The following CAPZA2 variants were observed in gnomAD, a reference collection of about 807,000 sequenced individuals.
CAPZA2 encodes the protein F-actin-capping protein subunit alpha-2.
Under a neutral mutation model 44.0 loss-of-function variants are expected in CAPZA2, and 13 were observed. The ratio of observed to expected loss-of-function variants is 0.30; its 90% CI spans 0.19 to 0.47. The LOEUF (loss-of-function observed/expected upper bound fraction) is 0.47. Among genes scored for constraint, CAPZA2 ranks in the 20% least tolerant of loss-of-function variants. The pLI is 1.00. For missense variants in CAPZA2, 244 were observed against 338.6 expected, an observed-to-expected ratio of 0.72 and a Z score of 2.19; for synonymous variants, 94 against 108.2, an observed-to-expected ratio of 0.87 and a Z score of 0.81.
At chr7:116,895,141 C>T (rs1342687079) in intron 3 of CAPZA2, among the ~76,000 whole-genome samples, 1 of 151,968 alleles carries the variant, frequency 6.6e-6, no homozygotes, top group Non-Finnish European at 1.5e-5. Flanking sequence ...CGTTTTTGAA[C>T]AATACTTTCA....
intron 6 of CAPZA2, 83 bp downstream of exon 6, chr7:116,906,425 CTTGT>C (rs1292478969): frequency 2.0e-6 from 3 of 1,526,308 alleles, no homozygotes; most frequent in East Asian, 4.6e-5. Flanking sequence ...TGGGCTACAC[CTTGT>C]TTGTTTATGA....
rs1562959955 is a variant in CAPZA2, at chr7:116,890,553, TATATATATATATATAC to T, written c.103+2365_103+2380del. Among the ~76,000 whole-genome samples the T allele has an allele frequency of 2.7e-3, 32 of 11,918 alleles. 4 individuals carry two copies. The highest frequency in any genetic ancestry group is 9.8e-3 in the Admixed American group (7 of 716). The allele number at this position is 11,918 out of a possible 152,430, so 7.8% of individuals were successfully genotyped here. A position where few individuals can be genotyped will look rare whatever the true frequency, so the allele number is the denominator to read the frequency against. On this transcript the variant is annotated intron_variant, in intron 2 of 9. Coordinates refer to ENST00000361183, the MANE Select transcript of CAPZA2 (RefSeq NM_006136.3). ...ATATATATATATATATATATATATA[TATATATATATATATAC>T]ACATATATATATATATATATATATA...
intron 1 of CAPZA2, among the ~76,000 whole-genome samples, chr7:116,870,815 A>G (rs1010489365): frequency 6.6e-6 from 1 of 152,218 alleles, no homozygotes; most frequent in Admixed American, 6.5e-5. Flanking sequence ...TGATAAATGA[A>G]TATAGGGGAA....
At chr7:116,876,523 C>T (rs1255894430) in intron 1 of CAPZA2, 2 of 152,186 alleles carry the variant, frequency 1.3e-5, no homozygotes, top group Admixed American at 1.3e-4. Flanking sequence ...ATCTCATGTT[C>T]TCTTCTAATG....
At chr7:116,897,768 T>C (rs1330601799) in intron 3 of CAPZA2, among the ~76,000 whole-genome samples, 3 of 152,164 alleles carry the variant, frequency 2.0e-5, no homozygotes, top group East Asian at 1.9e-4. Flanking sequence ...ATGGAGTAGA[T>C]AGAGAGTAGC....
At chr7:116,868,743 A>T (rs7793118) in intron 1 of CAPZA2, among the ~76,000 whole-genome samples, 2,827 of 152,068 alleles carry the variant, frequency 0.019, 64 homozygotes, top group Admixed American at 0.049. Flanking sequence ...CAAAAAGTTT[A>T]AAAAAAAATT....
intron 8 of CAPZA2, among the ~76,000 whole-genome samples, chr7:116,914,696 A>G (rs556924178): frequency 2.0e-5 from 3 of 151,930 alleles, no homozygotes; most frequent in Non-Finnish European, 4.4e-5. Context: ...GCCACAACCA[A>G]CCTTTCTGCC....
At chr7:116,898,727 CAT>C in intron 3 of CAPZA2, 43 bp from the exon 4 acceptor site, 1 of 1,295,348 alleles carries the variant, frequency 7.7e-7, no homozygotes, top group Non-Finnish European at 1.1e-6. Context: ...TTTTAAAAAA[CAT>C]TAAATATATA....
At chr7:116,890,936 T>G (rs897055072) in intron 2 of CAPZA2, among the ~76,000 whole-genome samples, 11 of 152,096 alleles carry the variant, frequency 7.2e-5, no homozygotes, top group African/African-American at 2.4e-4. Flanking sequence ...TAATAAAACC[T>G]TAACAGTTAG....
intron 7 of CAPZA2, among the ~76,000 whole-genome samples, chr7:116,911,537 G>A (rs571180678): frequency 6.6e-6 from 1 of 152,230 alleles, no homozygotes; most frequent in South Asian, 2.1e-4. Flanking sequence ...CCCTCAGAAA[G>A]AATCTAGAGT....
chr7:116,912,814 A>T (rs1248818791), intron 8 of CAPZA2, among the ~76,000 whole-genome samples: 10 of 152,158 alleles, frequency 6.6e-5, no homozygotes, highest in Non-Finnish European at 1.3e-4. Context: ...TATTTTTGGT[A>T]TATACATAGG....
chr7:116,880,989 G>A (rs370765420), intron 1 of CAPZA2, among the ~76,000 whole-genome samples: 66 of 152,026 alleles, frequency 4.3e-4, no homozygotes, highest in Non-Finnish European at 7.1e-4. Context: ...GATTACAGGC[G>A]TGATCCACCA....
intron 9 of CAPZA2, 78 bp downstream of exon 9, chr7:116,916,200 C>G (rs1791677093): frequency 1.4e-6 from 2 of 1,392,612 alleles, no homozygotes; most frequent in Non-Finnish European, 1.9e-6. Context: ...CAGCCAAAGG[C>G]TGAATTTTTC....
At chr7:116,912,377 A>G (rs538196771) in intron 8 of CAPZA2, among the ~76,000 whole-genome samples, 2 of 150,080 alleles carry the variant, frequency 1.3e-5, no homozygotes, top group African/African-American at 2.5e-5. Context: ...TTTTTTTTGT[A>G]TATTACTAAC....
At chr7:116,877,275 T>C (rs902266946) in intron 1 of CAPZA2, among the ~76,000 whole-genome samples, 1 of 152,240 alleles carries the variant, frequency 6.6e-6, no homozygotes, top group Non-Finnish European at 1.5e-5. Flanking sequence ...AATAGTATAA[T>C]TTGATCTTAG....
intron 1 of CAPZA2, among the ~76,000 whole-genome samples, chr7:116,878,000 G>A (rs749391128): frequency 6.6e-6 from 1 of 152,178 alleles, no homozygotes; most frequent in African/African-American, 2.4e-5. Context: ...AGAGACACTC[G>A]CTGATCATGT....
intron 1 of CAPZA2, among the ~76,000 whole-genome samples, chr7:116,884,499 GGGAA>G (rs1337067036): frequency 1.3e-5 from 2 of 152,034 alleles, no homozygotes; most frequent in Admixed American, 6.5e-5. Context: ...GTCATATATA[GGGAA>G]TACTGTAGAG....
chr7:116,898,753 G>A lies in CAPZA2; in HGVS notation c.156-19G>A. ...ATTAAATATATAATTTTAAGTAATT[G>A]CCATTTTCTTTTTTTTAGTGCATTT... On this transcript the variant is annotated intron_variant, in intron 3 of 9. Coordinates refer to ENST00000361183, the MANE Select transcript of CAPZA2 (RefSeq NM_006136.3). 1 of 1,507,814 alleles carries A rather than the reference G, an allele frequency of 6.6e-7. No homozygotes were observed. Among genetic ancestry groups the A allele is most frequent in the Non-Finnish European group, 9.0e-7 (1 of 1,110,602 alleles). 93.4% of individuals were successfully genotyped at this position (1,507,814 alleles called of 1,614,324 possible). A position where few individuals can be genotyped will look rare whatever the true frequency, so the allele number is the denominator to read the frequency against.
rs557434747 is a variant in CAPZA2 at position 116,880,696 on chromosome 7, C to CT, written c.40-7393dup. On this transcript the variant is annotated intron_variant, in intron 1 of 9. Transcript: ENST00000361183. ...ATAGGCATGAGCCACTGTAACCTGC[C>CT]TTTTTTTTTTTTTTTTTTTTTTTTT... Among the ~76,000 whole-genome samples, 32 of 24,684 alleles carry CT rather than the reference C, an allele frequency of 1.3e-3. 12 individuals carry two copies. The highest frequency in any genetic ancestry group is 3.5e-3 in the South Asian group (2 of 566). The allele number at this position is 24,684 out of a possible 152,430, so 16.2% of individuals were successfully genotyped here.
Sources: allele counts gnomAD v4.1 joint callset (sites outside exome capture counted in the v4.1 genomes callset), GRCh38; gene constraint gnomAD v4.1.1; transcripts MANE v1.5; gene names NCBI Gene and HGNC (gene_info 2026-07-23, HGNC 2026-07-21).